The following GSDMC variants were observed in gnomAD, a reference collection of about 807,000 sequenced individuals.
The protein encoded by GSDMC is gasdermin C, also known as gasdermin-C.
GSDMC carries 59 observed loss-of-function variants against 58.0 expected under a neutral mutation model. The ratio of observed to expected loss-of-function variants is 1.02; its 90% CI spans 0.82 to 1.26. The LOEUF (loss-of-function observed/expected upper bound fraction) is 1.26, where lower values mean the gene tolerates loss of function less well. Ranked by LOEUF, GSDMC falls within the 50% of genes most tolerant of loss-of-function variation. GSDMC has a pLI of 0.00. For synonymous variants in GSDMC, 241 were observed against 220.2 expected (o/e 1.09, Z -0.83); for missense variants, 659 against 598.5 (o/e 1.10, Z -1.06).
At chr8:129,765,993 G>A (rs566311504) in intron 3 of GSDMC, among the ~76,000 whole-genome samples, 200 bp from the exon 4 acceptor site, 13 of 152,220 alleles carry the variant, frequency 8.5e-5, no homozygotes, top group African/African-American at 2.4e-4. Context: ...ATGGTGGTTC[G>A]GGTGTGAGAG....
intron 2 of GSDMC, among the ~76,000 whole-genome samples, chr8:129,776,719 T>C (rs1381449566): frequency 6.8e-6 from 1 of 147,986 alleles, no homozygotes; most frequent in Non-Finnish European, 1.5e-5. Flanking sequence ...GACATAACTG[T>C]TTTTTTGTTT....
rs151290766 is a variant in GSDMC at position 129,766,843 on chromosome 8, C to T, written c.405-1050G>A. Reference sequence around the variant, plus strand: ...TCCAGCTTCAAACAGCGTTCCAAAGCGCATCCTAGGAGGTCCAGCTCTGTC... The same window carrying T: ...TCCAGCTTCAAACAGCGTTCCAAAGTGCATCCTAGGAGGTCCAGCTCTGTC... On this transcript the variant is annotated intron_variant, in intron 3 of 13. Coordinates refer to ENST00000276708, the MANE Select transcript of GSDMC (RefSeq NM_031415.3). Among the ~76,000 whole-genome samples the T allele has an allele frequency of 7.5e-4, 114 of 152,218 alleles. 1 individual carries two copies. Among genetic ancestry groups the T allele is most frequent in the African/African-American group, 2.7e-3 (111 of 41,544 alleles).
the GSDMC span, among the ~76,000 whole-genome samples, chr8:129,740,891 C>A: frequency 3.3e-5 from 5 of 152,142 alleles, no homozygotes; most frequent in South Asian, 1.0e-3. Context: ...CCCGTGCTTT[C>A]GGAGTTCTAC....
In GSDMC at chr8:129,750,419, G is replaced by A. The variant is rs746932746; in HGVS notation, c.1083+12C>T. On this transcript the variant is annotated intron_variant, in intron 11 of 13. Coordinates refer to ENST00000276708, the MANE Select transcript of GSDMC (RefSeq NM_031415.3). ...GCTTTTACCAGACCTATGCAACTGT[G>A]GAGCCCCTCACCATGTTCATCAGGT... 1.9e-5 allele frequency: 30 copies of A among 1,611,238 alleles called. 1 individual carries two copies. The East Asian group carries it at 2.5e-4, about 13-fold the overall frequency.
the GSDMC span, among the ~76,000 whole-genome samples, chr8:129,716,865 T>C: frequency 3.9e-5 from 6 of 152,246 alleles, no homozygotes; most frequent in Admixed American, 3.9e-4. Context: ...TCTGCATCTA[T>C]TGACATAATC....
rs1361982177 is a variant in GSDMC, at chr8:129,765,640, A to G, written c.558T>C (p.Ile186=). 3.7e-6 allele frequency: 6 copies of G among 1,612,930 alleles called. No individual in the cohort carries two copies. The highest frequency in any genetic ancestry group is 5.1e-6 in the Non-Finnish European group (6 of 1,179,072). The change falls in exon 4 of 14, where the codon ATT becomes ATC. Residue 186 remains isoleucine, a synonymous_variant. Coordinates refer to ENST00000276708, the MANE Select transcript of GSDMC (RefSeq NM_031415.3). ...VNILGKIALW[I]TYGKGQGQGE... ...GACAACTTTATACCTTGCCATAGGT[A>G]ATCCAAAGAGCAATTTTCCCTAAAA... is the stretch of plus-strand genomic sequence containing the variant.
chr8:129,721,875 G>A, the GSDMC span, among the ~76,000 whole-genome samples: 4 of 152,170 alleles, frequency 2.6e-5, no homozygotes, highest in Non-Finnish European at 5.9e-5. Context: ...TGCGCTGTAT[G>A]TTTTCTCCTT....
intron 1 of GSDMC, among the ~76,000 whole-genome samples, chr8:129,778,842 A>T (rs1374312273): frequency 6.6e-6 from 1 of 151,802 alleles, no homozygotes. Flanking sequence ...TGTGGCCAAC[A>T]ATCGTATAAA....
At chr8:129,784,338 T>G (rs2034497055) in intron 1 of GSDMC, among the ~76,000 whole-genome samples, 1 of 151,852 alleles carries the variant, frequency 6.6e-6, no homozygotes, top group South Asian at 2.1e-4. Flanking sequence ...TTTGCAAACT[T>G]CCCATCTGAT....
intron 4 of GSDMC, among the ~76,000 whole-genome samples, chr8:129,764,916 G>C (rs2033803575): frequency 6.6e-6 from 1 of 152,106 alleles, no homozygotes; most frequent in African/African-American, 2.4e-5. Flanking sequence ...CTGCTTTCCA[G>C]GGTCTGTTAC....
intron 3 of GSDMC, among the ~76,000 whole-genome samples, chr8:129,768,179 T>C (rs2033931884): frequency 1.3e-5 from 2 of 152,168 alleles, no homozygotes; most frequent in African/African-American, 2.4e-5. Context: ...AAGCCACACT[T>C]ATTCATGAAC....
At chr8:129,723,959 T>C in the GSDMC span, among the ~76,000 whole-genome samples, 1 of 152,376 alleles carries the variant, frequency 6.6e-6, no homozygotes, top group Non-Finnish European at 1.5e-5. Flanking sequence ...CAATAAATAC[T>C]TGTTGAATTA....
At chr8:129,730,232 T>C in the GSDMC span, 7 of 1,305,596 alleles carry the variant, frequency 5.4e-6, no homozygotes, top group Non-Finnish European at 7.3e-6. Context: ...GACACGATGC[T>C]AGAAAAATTC....
the GSDMC span, among the ~76,000 whole-genome samples, chr8:129,728,155 G>A: frequency 6.6e-6 from 1 of 152,008 alleles, no homozygotes; most frequent in East Asian, 1.9e-4. Flanking sequence ...CAGAGCACCG[G>A]CTTGCCCAGA....
chr8:129,771,957 C>G (rs1586608753), intron 3 of GSDMC, among the ~76,000 whole-genome samples: 1 of 152,108 alleles, frequency 6.6e-6, no homozygotes, highest in Non-Finnish European at 1.5e-5. Flanking sequence ...TAACTTTATA[C>G]CTTAAAGAAC....
At chr8:129,770,281 G>C (rs946976212) in intron 3 of GSDMC, among the ~76,000 whole-genome samples, 3 of 152,150 alleles carry the variant, frequency 2.0e-5, no homozygotes, top group Non-Finnish European at 4.4e-5. Context: ...GACTACTTGA[G>C]GCCAGGAGTT....
At chr8:129,709,635 G>GATAA in the GSDMC span, among the ~76,000 whole-genome samples, 1 of 149,254 alleles carries the variant, frequency 6.7e-6, no homozygotes, top group Non-Finnish European at 1.5e-5. Flanking sequence ...TAGATAGATA[G>GATAA]ATATGGAGAT....
rs183815285 is a variant in GSDMC at position 129,755,233 on chromosome 8, A to T, written c.722-2413T>A. On this transcript the variant is annotated intron_variant, in intron 6 of 13. Transcript: ENST00000276708. ...TAAAGCAGCAAGGAAAAAGAAACAA[A>T]TAGCATACAATGGAGTTGCAATATG... Among the ~76,000 whole-genome samples, 436 of 152,286 alleles carry T rather than the reference A, an allele frequency of 2.9e-3. 4 individuals carry two copies. Among genetic ancestry groups the T allele is most frequent in the African/African-American group, 1.0e-2 (415 of 41,570 alleles).
intron 3 of GSDMC, among the ~76,000 whole-genome samples, chr8:129,771,023 A>T (rs574916727): frequency 3.1e-4 from 47 of 149,876 alleles, no homozygotes; most frequent in Middle Eastern, 3.5e-3. Context: ...TTTTTTATAT[A>T]TATATGTATA....
Sources: gnomAD v4.1 joint callset for allele counts (sites outside exome capture counted in the v4.1 genomes callset) on GRCh38, gnomAD v4.1.1 for gene constraint, MANE v1.5 for transcripts, NCBI Gene and HGNC (gene_info 2026-07-23, HGNC 2026-07-21) for gene names.